The following ZNF721 variants were observed in gnomAD, a reference collection of about 807,000 sequenced individuals.
The protein encoded by ZNF721 is zinc finger protein 721.
Under a neutral mutation model 2.4 loss-of-function variants are expected in ZNF721, and 2 were observed. The ratio of observed to expected loss-of-function variants is 0.82; its 90% CI spans 0.34 to 2.58. The LOEUF (loss-of-function observed/expected upper bound fraction) is 2.58. Ranked by LOEUF, ZNF721 falls within the 30% of genes most tolerant of loss-of-function variation. The probability of loss-of-function intolerance (pLI) is 0.11; values close to 1 mark genes in which losing one functional copy is unlikely to be tolerated. For missense variants in ZNF721, 1,187 were observed against 1,085.5 expected, an observed-to-expected ratio of 1.09 and a Z score of -1.31; for synonymous variants, 398 against 381.8, an observed-to-expected ratio of 1.04 and a Z score of -0.50.
chr4:447,144 AC>A, intron 2 of ZNF721, among the ~76,000 whole-genome samples: 1 of 151,888 alleles, frequency 6.6e-6, no homozygotes, highest in South Asian at 2.1e-4. Context: ...ACATGGATAA[AC>A]CCCATCTCTA....
chr4:464,580 G>A (rs6829388), intron 2 of ZNF721, among the ~76,000 whole-genome samples: 61,425 of 151,544 alleles, frequency 0.41, 12,850 homozygotes, highest in African/African-American at 0.51. Flanking sequence ...ACATAATAAT[G>A]TAATATAAAA....
At chr4:471,180 A>G (rs1715421447) in intron 2 of ZNF721, among the ~76,000 whole-genome samples, 1 of 152,180 alleles carries the variant, frequency 6.6e-6, no homozygotes. Flanking sequence ...GTAAATTGAT[A>G]AAATCATCAT....
Position 494,263 on chromosome 4 carries a change from G to T in ZNF721, c.-94+4793C>A, listed in dbSNP as rs11933207. 4.6e-4 allele frequency among the ~76,000 whole-genome samples: 69 copies of T among 150,784 alleles called. 1 individual carries two copies. The highest frequency in any genetic ancestry group is 1.7e-3 in the African/African-American group (69 of 40,980). The stretch of plus-strand genomic sequence containing the variant: ...GTGGCGCCATGTCGGCTCACTGCAA[G>T]CTCCGCCTCCTGGGTTCACGCCATT... On this transcript the variant is annotated intron_variant, in intron 1 of 2. Coordinates refer to ENST00000511833, the MANE Select transcript of ZNF721 (RefSeq NM_133474.4).
intron 1 of ZNF721, among the ~76,000 whole-genome samples, chr4:488,708 T>C (rs1437559226): frequency 5.9e-5 from 9 of 151,922 alleles, no homozygotes; most frequent in African/African-American, 2.2e-4. Context: ...TACACACCCA[T>C]AATCCCAGCT....
At chr4:478,753 T>A (rs1576969627) in intron 1 of ZNF721, among the ~76,000 whole-genome samples, 2 of 150,960 alleles carry the variant, frequency 1.3e-5, no homozygotes, top group Non-Finnish European at 2.9e-5. Context: ...TTGTACATTG[T>A]GCAAAGGAAA....
intron 2 of ZNF721, among the ~76,000 whole-genome samples, chr4:452,517 C>A (rs1714703169): frequency 6.6e-6 from 1 of 152,176 alleles, no homozygotes; most frequent in Non-Finnish European, 1.5e-5. Context: ...ATGACTTTCA[C>A]TGGGGACAGA....
intron 2 of ZNF721, among the ~76,000 whole-genome samples, chr4:461,829 C>T (rs1039177661): frequency 2.6e-5 from 4 of 152,190 alleles, no homozygotes; most frequent in African/African-American, 9.6e-5. Context: ...GCCAAGATCA[C>T]GCCACTGCAC....
intron 2 of ZNF721, among the ~76,000 whole-genome samples, chr4:467,240 A>C (rs1047388564): frequency 6.6e-6 from 1 of 152,218 alleles, no homozygotes; most frequent in Middle Eastern, 3.4e-3. Flanking sequence ...ACAAACAAAA[A>C]AGGATGTGGC....
At chr4:477,130 T>C (rs1284025333) in intron 1 of ZNF721, among the ~76,000 whole-genome samples, 8 of 152,126 alleles carry the variant, frequency 5.3e-5, no homozygotes, top group African/African-American at 1.9e-4. Context: ...TGATCTATTT[T>C]CCTCCCTTCT....
At chr4:452,338 C>T (rs566311297) in intron 2 of ZNF721, among the ~76,000 whole-genome samples, 5 of 152,292 alleles carry the variant, frequency 3.3e-5, no homozygotes, top group East Asian at 1.9e-4. Context: ...CTGAAATACA[C>T]GGTAATAGTC....
chr4:467,123 A>G (rs1473278015), intron 2 of ZNF721, among the ~76,000 whole-genome samples: 5 of 152,102 alleles, frequency 3.3e-5, no homozygotes, highest in Non-Finnish European at 5.9e-5. Flanking sequence ...AGGCTGACGC[A>G]GGAGAATGGT....
intron 1 of ZNF721, among the ~76,000 whole-genome samples, chr4:490,272 C>G (rs550028722): frequency 6.6e-6 from 1 of 151,592 alleles, no homozygotes; most frequent in Non-Finnish European, 1.5e-5. Flanking sequence ...GTGAGGAGAT[C>G]GAGACCATCC....
intron 1 of ZNF721, chr4:474,096 G>A (rs538379805): frequency 7.6e-7 from 1 of 1,317,252 alleles, no homozygotes; most frequent in East Asian, 3.8e-5. Context: ...TCCCTGAGGT[G>A]TGGAAGCAGG....
In ZNF721 at chr4:443,967, C is replaced by T; in HGVS notation, c.500G>A (p.Cys167Tyr). 6.2e-7 allele frequency: 1 copy of T among 1,614,164 alleles called. No individual in the cohort carries two copies. Among genetic ancestry groups the T allele is most frequent in the South Asian group, 1.1e-5 (1 of 91,074 alleles). ...KIHTGEKPYK[C>Y]EECGKAFNRS... is the part of the protein sequence containing the mutation. ...ATTAAAGGCTTTGCCACATTCTTCA[C>T]ATTTGTAAGGTTTCTCTCCAGTATG... Residue 167 changes from cysteine (C) to tyrosine (Y), a missense_variant, in exon 3 of 3, where the codon TGT (cysteine) becomes TAT (tyrosine). Physicochemically the swap from Cys to Tyr is radical, Grantham distance 194. Coordinates refer to ENST00000511833, the MANE Select transcript of ZNF721 (RefSeq NM_133474.4).
At chr4:494,890 CTTA>C (rs1716109874) in intron 1 of ZNF721, among the ~76,000 whole-genome samples, 1 of 110,592 alleles carries the variant, frequency 9.0e-6, no homozygotes, top group African/African-American at 2.8e-5. Context: ...TTACAGTGCA[CTTA>C]TTTTTTTTTT....
At chr4:490,558 TA>T (rs1310778255) in intron 1 of ZNF721, among the ~76,000 whole-genome samples, 6 of 152,208 alleles carry the variant, frequency 3.9e-5, no homozygotes, top group African/African-American at 1.4e-4. Flanking sequence ...ATGTGGCTAA[TA>T]AAAAATGGAA....
intron 1 of ZNF721, among the ~76,000 whole-genome samples, chr4:479,321 C>T (rs536709559): frequency 6.6e-6 from 1 of 152,270 alleles, no homozygotes; most frequent in African/African-American, 2.4e-5. Flanking sequence ...CCTGCCTGCC[C>T]TACCACCCAT....
chr4:495,264 C>T (rs1364277793), intron 1 of ZNF721, among the ~76,000 whole-genome samples: 1 of 139,300 alleles, frequency 7.2e-6, no homozygotes, highest in Non-Finnish European at 1.5e-5. Flanking sequence ...GTTGCAGTAA[C>T]TATTTTAGTC....
intron 2 of ZNF721, among the ~76,000 whole-genome samples, chr4:444,749 G>A (rs73070366): frequency 0.079 from 11,953 of 152,106 alleles, 725 homozygotes; most frequent in African/African-American, 0.17. Flanking sequence ...TTAGAAGAAA[G>A]CTCTCAACTC....
Sources: allele counts gnomAD v4.1 joint callset (sites outside exome capture counted in the v4.1 genomes callset), GRCh38; gene constraint gnomAD v4.1.1; transcripts MANE v1.5; gene names NCBI Gene and HGNC (gene_info 2026-07-23, HGNC 2026-07-21).